The following RAB17 variants were observed in gnomAD, a reference collection of about 807,000 sequenced individuals.
RAB17 encodes the protein RAB17, member RAS oncogene family.
Under a neutral mutation model 19.3 loss-of-function variants are expected in RAB17, and 15 were observed. That is an observed-to-expected ratio of 0.78 (90% CI 0.52 to 1.20). The LOEUF (loss-of-function observed/expected upper bound fraction) is 1.20, where lower values mean the gene tolerates loss of function less well. Ranked by LOEUF, RAB17 falls within the 50% of genes most tolerant of loss-of-function variation. The pLI, the probability that RAB17 is intolerant of heterozygous loss-of-function variation, is 0.00. For synonymous variants in RAB17, 110 were observed against 112.8 expected (o/e 0.97, Z 0.16); for missense variants, 262 against 269.3 (o/e 0.97, Z 0.19).
intron 2 of RAB17, among the ~76,000 whole-genome samples, chr2:237,580,488 C>A (rs1421950107): frequency 6.6e-6 from 1 of 152,048 alleles, no homozygotes; most frequent in African/African-American, 2.4e-5. Flanking sequence ...TGCCTGTAAT[C>A]CCAGCACTTT....
At chr2:237,588,411 C>A (rs1229275483) in intron 1 of RAB17, among the ~76,000 whole-genome samples, 1 of 152,198 alleles carries the variant, frequency 6.6e-6, no homozygotes, top group Non-Finnish European at 1.5e-5. Context: ...TCTGTTAAAG[C>A]AGCACAAACA....
chr2:237,583,355 A>G (rs186207372), intron 2 of RAB17, among the ~76,000 whole-genome samples: 1 of 152,282 alleles, frequency 6.6e-6, no homozygotes, highest in Admixed American at 6.5e-5. Context: ...ATAATAATAA[A>G]TTGCATGACA....
intron 4 of RAB17, chr2:237,576,811 C>A: frequency 2.2e-6 from 1 of 450,662 alleles, no homozygotes; most frequent in Non-Finnish European, 4.6e-6. Flanking sequence ...TACATTTGCA[C>A]AGAAGCCCCT....
chr2:237,590,165 G>GT (rs11308748), intron 1 of RAB17, among the ~76,000 whole-genome samples: 240 of 147,936 alleles, frequency 1.6e-3, no homozygotes, highest in African/African-American at 2.2e-3. Context: ...AGTTTTTTGT[G>GT]TTTTTTTTTT....
intron 3 of RAB17, 166 bp downstream of exon 3, chr2:237,577,838 T>G: frequency 1.4e-6 from 1 of 735,224 alleles, no homozygotes; most frequent in Non-Finnish European, 2.3e-6. Flanking sequence ...AACCCCACTG[T>G]GGAGGAGGAT....
At chr2:237,589,465 T>C (rs1013988458) in intron 1 of RAB17, among the ~76,000 whole-genome samples, 2 of 152,236 alleles carry the variant, frequency 1.3e-5, no homozygotes, top group Non-Finnish European at 2.9e-5. Context: ...AATGGACATA[T>C]AACATTTCTA....
chr2:237,589,606 T>G (rs1363457694), intron 1 of RAB17, among the ~76,000 whole-genome samples: 1 of 140,598 alleles, frequency 7.1e-6, no homozygotes, highest in Non-Finnish European at 1.5e-5. Flanking sequence ...TTGTAAGCTT[T>G]CAATAATGAG....
intron 2 of RAB17, 66 bp from the exon 3 acceptor site, chr2:237,578,221 C>T (rs2081281843): frequency 2.7e-6 from 4 of 1,499,406 alleles, no homozygotes; most frequent in African/African-American, 2.8e-5. Flanking sequence ...TCAGGTGGGA[C>T]CACGGCAAGC....
Position 237,586,103 on chromosome 2 carries a change from GGGGCTGGCTGGGGGCAGCCCT to G in RAB17, c.31_51del (p.Ala12_Arg18del), listed in dbSNP as rs1394002905. 1 of 1,612,474 alleles carries G rather than the reference GGGGCTGGCTGGGGGCAGCCCT, an allele frequency of 6.2e-7. No homozygotes were observed. Among genetic ancestry groups the G allele is most frequent in the Non-Finnish European group, 8.5e-7 (1 of 1,179,320 alleles). ...CCCAGGAGAACCAGCTTGAACACAC[GGGGCTGGCTGGGGGCAGCCCT>G]GGGCTGGGGGGTCCTGTGTGCCTGT... is the stretch of plus-strand genomic sequence containing the variant. On this transcript the variant is annotated inframe_deletion, in exon 2 of 6. Transcript: ENST00000264601.
At chr2:237,576,135 G>A (rs2149181039) in intron 4 of RAB17, among the ~76,000 whole-genome samples, 1 of 152,066 alleles carries the variant, frequency 6.6e-6, no homozygotes, top group Middle Eastern at 3.4e-3. Context: ...GCTCCTGACT[G>A]TCCAGCCAGA....
At chr2:237,587,842 A>AGATGG (rs2081361836) in intron 1 of RAB17, among the ~76,000 whole-genome samples, 1 of 136,472 alleles carries the variant, frequency 7.3e-6, no homozygotes, top group Admixed American at 6.9e-5. Flanking sequence ...TAAAAAAAAA[A>AGATGG]AAAAGAAAAG....
intron 1 of RAB17, among the ~76,000 whole-genome samples, chr2:237,590,047 G>T (rs952340884): frequency 6.6e-6 from 1 of 152,112 alleles, no homozygotes; most frequent in Admixed American, 6.5e-5. Context: ...TTGTAAAAAG[G>T]AGTTTACAAG....
At chr2:237,580,394 CT>C (rs1279042917) in intron 2 of RAB17, among the ~76,000 whole-genome samples, 1 of 152,218 alleles carries the variant, frequency 6.6e-6, no homozygotes, top group Non-Finnish European at 1.5e-5. Context: ...TTCAGGTTTT[CT>C]TCCTCCATTT....
intron 2 of RAB17, among the ~76,000 whole-genome samples, chr2:237,583,261 C>T (rs1471044982): frequency 6.6e-6 from 1 of 152,024 alleles, no homozygotes; most frequent in Non-Finnish European, 1.5e-5. Flanking sequence ...TGGCTTGAGC[C>T]CAGGAGGCAG....
chr2:237,584,653 T>C (rs763306382), intron 2 of RAB17, among the ~76,000 whole-genome samples: 66 of 152,292 alleles, frequency 4.3e-4, no homozygotes, highest in Middle Eastern at 3.4e-3. Context: ...CCAGCTCACC[T>C]GGCCTGACAC....
Position 237,575,463 on chromosome 2 carries a change from G to T in RAB17, c.453C>A (p.Ala151=). 6.2e-7 allele frequency: 1 copy of T among 1,610,950 alleles called. No homozygotes were observed. The highest frequency in any genetic ancestry group is 8.5e-7 in the Non-Finnish European group (1 of 1,178,828). The change falls in exon 5 of 6, where the codon GCC becomes GCA. Residue 151 remains alanine, a synonymous_variant. Transcript: ENST00000264601. ...EVTFQEGKEF[A]DSQKLLFMET... ...CCATGAACAGCAACTTCTGGCTGTCGGCAAACTCCTTCCCTTCCTGAAGGA... is the reference window on the plus strand; with the variant it reads ...CCATGAACAGCAACTTCTGGCTGTCTGCAAACTCCTTCCCTTCCTGAAGGA...
chr2:237,575,071 G>T lies in RAB17; in HGVS notation c.587C>A (p.Ala196Asp). ...CGCGGGCCCCTTGTTCAGAGCCACA[G>T]CTGCATCCCCCCGTAGAGCCTGGCC... ...EEGQALRGDA[A>D]VALNKGPARQ... Residue 196 changes from alanine (A) to aspartate (D), a missense_variant, in exon 6 of 6, where the codon GCT (alanine) becomes GAT (aspartate). By Grantham distance (126) the Ala-to-Asp change is moderately radical. Transcript: ENST00000264601. The T allele has an allele frequency of 1.9e-6, 3 of 1,613,804 alleles. No individual in the cohort carries two copies. In the African/African-American group the frequency reaches 4.0e-5, roughly 22 times the overall value.
chr2:237,575,681 T>G, intron 4 of RAB17: 1 of 540,664 alleles, frequency 1.8e-6, no homozygotes, highest in South Asian at 2.5e-5. Context: ...TGGAAGAGGC[T>G]CTTCCTCTAG....
intron 2 of RAB17, among the ~76,000 whole-genome samples, chr2:237,585,111 G>GTTTAGCTGGTTATAGAATTGTGTTTC (rs1339177889): frequency 1.3e-5 from 2 of 152,242 alleles, no homozygotes; most frequent in Non-Finnish European, 2.9e-5. Flanking sequence ...TTGTGTTTCT[G>GTTTAGCTGGTTATAGAATTGTGTTTC]TGTTTGGTGC....
Sources: gnomAD v4.1 joint callset for allele counts (sites outside exome capture counted in the v4.1 genomes callset) on GRCh38, gnomAD v4.1.1 for gene constraint, MANE v1.5 for transcripts, NCBI Gene and HGNC (gene_info 2026-07-23, HGNC 2026-07-21) for gene names.